The following ARMH3 variants were observed in gnomAD, a reference collection of about 807,000 sequenced individuals.
ARMH3 encodes the protein armadillo like helical domain containing 3.
ARMH3 carries 60 observed loss-of-function variants against 99.1 expected under a neutral mutation model. That is an observed-to-expected ratio of 0.61 (90% CI 0.49 to 0.75). The LOEUF is 0.75. ARMH3 is among the 30% of genes least tolerant of loss of function. The probability of loss-of-function intolerance (pLI) is 0.00; values close to 1 mark genes in which losing one functional copy is unlikely to be tolerated. For missense variants in ARMH3, 679 were observed against 843.1 expected (o/e 0.81, Z 2.41); for synonymous variants, 285 against 292.8 (o/e 0.97, Z 0.27).
intron 23 of ARMH3, among the ~76,000 whole-genome samples, chr10:101,908,374 ACG>A (rs1842722524): frequency 6.6e-6 from 1 of 152,222 alleles, no homozygotes; most frequent in Admixed American, 6.5e-5. Context: ...TTATGTGATA[ACG>A]TGAGTTACAG....
chr10:101,968,255 C>T (rs1318414501), intron 20 of ARMH3, among the ~76,000 whole-genome samples: 1 of 152,006 alleles, frequency 6.6e-6, no homozygotes, highest in East Asian at 1.9e-4. Context: ...CTTCTAGGGC[C>T]CTATACCACC....
chr10:102,033,618 CCATG>C (rs1403999938), intron 2 of ARMH3, among the ~76,000 whole-genome samples: 2 of 152,144 alleles, frequency 1.3e-5, no homozygotes, highest in African/African-American at 4.8e-5. Context: ...CAGGGTTTCA[CCATG>C]TTAGCCAGGA....
intron 14 of ARMH3, among the ~76,000 whole-genome samples, chr10:102,005,389 A>C (rs930407785): frequency 6.6e-6 from 1 of 151,640 alleles, no homozygotes; most frequent in African/African-American, 2.4e-5. Context: ...TCAAAAAAAA[A>C]AAAAAAAAAA....
intron 14 of ARMH3, among the ~76,000 whole-genome samples, chr10:102,006,061 T>C (rs1353247798): frequency 2.0e-5 from 3 of 152,252 alleles, no homozygotes; most frequent in African/African-American, 7.2e-5. Context: ...CTTACATGTT[T>C]GGGTTCTCAG....
At chr10:101,929,685 C>T (rs920484302) in intron 23 of ARMH3, among the ~76,000 whole-genome samples, 4 of 151,430 alleles carry the variant, frequency 2.6e-5, no homozygotes, top group East Asian at 3.9e-4. Flanking sequence ...AAAGAAATAA[C>T]GCAAAAAATA....
At chr10:101,913,916 G>T (rs1295376179) in intron 23 of ARMH3, among the ~76,000 whole-genome samples, 3 of 152,078 alleles carry the variant, frequency 2.0e-5, no homozygotes, top group African/African-American at 7.2e-5. Context: ...TTCTAACTCG[G>T]GTACAGCAGG....
intron 15 of ARMH3, among the ~76,000 whole-genome samples, chr10:102,000,867 G>C (rs572009329): frequency 6.6e-6 from 1 of 151,896 alleles, no homozygotes; most frequent in Non-Finnish European, 1.5e-5. Flanking sequence ...TGCAAGCTGG[G>C]GTACAGTGGC....
rs192253168 is a variant in ARMH3 at position 102,003,127 on chromosome 10, A to T, written c.1049-1055T>A. On this transcript the variant is annotated intron_variant, in intron 14 of 25. Transcript: ENST00000370033. Reference sequence around the variant, plus strand: ...CAGTCCCAATGAACAATGACAGATAATTGGCCTCTAATGACCAGGGCTGAC... The same window carrying T: ...CAGTCCCAATGAACAATGACAGATATTTGGCCTCTAATGACCAGGGCTGAC... Among the ~76,000 whole-genome samples the T allele has an allele frequency of 5.3e-5, 8 of 152,060 alleles. No individual in the cohort carries two copies. In the East Asian group the frequency reaches 1.4e-3, roughly 26 times the overall value.
chr10:101,927,557 T>C (rs540460080), intron 23 of ARMH3, among the ~76,000 whole-genome samples: 1 of 152,354 alleles, frequency 6.6e-6, no homozygotes, highest in South Asian at 2.1e-4. Flanking sequence ...AAGCAGCTAC[T>C]CCATTATCAC....
chr10:101,873,542 T>G (rs2067187849), intron 24 of ARMH3, among the ~76,000 whole-genome samples: 1 of 152,224 alleles, frequency 6.6e-6, no homozygotes, highest in African/African-American at 2.4e-5. Flanking sequence ...TTCAATGATT[T>G]TAGTATATTC....
intron 23 of ARMH3, among the ~76,000 whole-genome samples, chr10:101,936,832 G>T (rs1019101843): frequency 2.6e-5 from 4 of 152,214 alleles, no homozygotes; most frequent in Admixed American, 6.5e-5. Context: ...CCCTAAAAAT[G>T]AAGGGAATTC....
At chr10:102,051,617 T>C (rs1253586398) in intron 1 of ARMH3, among the ~76,000 whole-genome samples, 1 of 152,164 alleles carries the variant, frequency 6.6e-6, no homozygotes, top group East Asian at 1.9e-4. Flanking sequence ...GCAGGGTCCA[T>C]AGCTTGTGTG....
chr10:102,031,802 C>T (rs962134650), intron 4 of ARMH3, among the ~76,000 whole-genome samples: 7 of 152,112 alleles, frequency 4.6e-5, no homozygotes, highest in Non-Finnish European at 1.0e-4. Context: ...TGCAGTGGCA[C>T]CATGTCAGCT....
intron 24 of ARMH3, among the ~76,000 whole-genome samples, chr10:101,887,040 C>T (rs2067565404): frequency 6.6e-6 from 1 of 152,162 alleles, no homozygotes; most frequent in Admixed American, 6.5e-5. Flanking sequence ...AAGTGACATT[C>T]ACATTAATGC....
At chr10:101,983,756 C>T (rs978384913) in intron 19 of ARMH3, among the ~76,000 whole-genome samples, 19 of 152,180 alleles carry the variant, frequency 1.2e-4, no homozygotes, top group African/African-American at 4.6e-4. Context: ...AGACCTCACC[C>T]TATGTATCTC....
chr10:101,943,523 C>T (rs1401622949), intron 22 of ARMH3, among the ~76,000 whole-genome samples: 1 of 152,128 alleles, frequency 6.6e-6, no homozygotes, highest in African/African-American at 2.4e-5. Context: ...TTCCACATAA[C>T]ATAATCAAAT....
chr10:102,015,150 A>G (rs2136127024), intron 8 of ARMH3, among the ~76,000 whole-genome samples: 1 of 152,268 alleles, frequency 6.6e-6, no homozygotes, highest in East Asian at 1.9e-4. Flanking sequence ...TTGTTACTTG[A>G]TCTGACAGAA....
chr10:101,967,705 C>A (rs1441055769), intron 20 of ARMH3, among the ~76,000 whole-genome samples: 2 of 152,156 alleles, frequency 1.3e-5, no homozygotes, highest in Non-Finnish European at 2.9e-5. Context: ...CCACGGCACT[C>A]CAGCCTGGGC....
chr10:102,033,383 C>CA (rs1050932894), intron 2 of ARMH3, 44 bp from the exon 3 acceptor site: 1 of 1,574,900 alleles, frequency 6.3e-7, no homozygotes, highest in Non-Finnish European at 8.7e-7. Context: ...CAGCTAACAC[C>CA]AAAAGCATTA....
Sources: allele counts gnomAD v4.1 joint callset (sites outside exome capture counted in the v4.1 genomes callset), GRCh38; gene constraint gnomAD v4.1.1; transcripts MANE v1.5; gene names NCBI Gene and HGNC (gene_info 2026-07-23, HGNC 2026-07-21).